The following MISP variants were observed in gnomAD, a reference collection of about 807,000 sequenced individuals.
MISP encodes the protein mitotic interactor and substrate of PLK1.
In MISP, 51 loss-of-function variants were observed where a neutral mutation model predicts 49.3. That is an observed-to-expected ratio of 1.03 (90% CI 0.83 to 1.31). The LOEUF is 1.31. MISP is among the 50% of genes most tolerant of loss of function. The probability of loss-of-function intolerance (pLI) is 0.00; values close to 1 mark genes in which losing one functional copy is unlikely to be tolerated. For missense variants in MISP, 1,084 were observed against 935.1 expected (o/e 1.16, Z -2.08); for synonymous variants, 444 against 392.6 (o/e 1.13, Z -1.55).
At chr19:755,060 A>G (rs1245274254) in intron 1 of MISP, among the ~76,000 whole-genome samples, 4 of 146,186 alleles carry the variant, frequency 2.7e-5, no homozygotes, top group African/African-American at 1.0e-4. Context: ...GGTTTGGGGT[A>G]GAAGAGGAGG....
At position 763,596 on chromosome 19, in the gene MISP, G is replaced by A. The variant is rs1464207739; in HGVS notation, c.*6G>A. On this transcript the variant is annotated 3_prime_UTR_variant, in exon 5 of 5. Coordinates refer to ENST00000215582, the MANE Select transcript of MISP (RefSeq NM_173481.4). Reference sequence around the variant, plus strand: ...CCAGTGAGGAGGATGACTGAGCCTCGGGATGGGGCGCCCACCCCCTGCCCT... The same window carrying A: ...CCAGTGAGGAGGATGACTGAGCCTCAGGATGGGGCGCCCACCCCCTGCCCT... 2 of 1,608,656 alleles carry A rather than the reference G, an allele frequency of 1.2e-6. No individual in the cohort carries two copies. Among genetic ancestry groups the A allele is most frequent in the South Asian group, 2.2e-5 (2 of 90,874 alleles).
Position 757,766 on chromosome 19 carries a change from G to A in MISP, c.820G>A (p.Asp274Asn). ...VPTWASVQVV[D>N]DPGSLASVES... The stretch of plus-strand genomic sequence containing the variant: ...CACCTGGGCCAGTGTCCAAGTTGTG[G>A]ATGACCCTGGCTCCTTGGCCTCAGT... Residue 274 changes from aspartate to asparagine, a missense_variant, in exon 2 of 5, where the codon GAT (aspartate) becomes AAT (asparagine). By Grantham distance (23) the Asp-to-Asn change is conservative. Coordinates refer to ENST00000215582, the MANE Select transcript of MISP (RefSeq NM_173481.4). The A allele has an allele frequency of 1.2e-6, 2 of 1,613,680 alleles. No individual in the cohort carries two copies. The highest frequency in any genetic ancestry group is 8.5e-7 in the Non-Finnish European group (1 of 1,179,854).
At position 761,045 on chromosome 19, in the gene MISP, T is replaced by C. The variant is rs1261514162; in HGVS notation, c.1912-580T>C. Among the ~76,000 whole-genome samples, 3 of 150,866 alleles carry C rather than the reference T, an allele frequency of 2.0e-5. No individual in the cohort carries two copies. In the East Asian group the frequency reaches 5.9e-4, roughly 30 times the overall value. ...GAAATATTCCTCACGTCACTTTTAATGACACGAGGAATATTTAGTGCCATG... is the reference window on the plus strand; with the variant it reads ...GAAATATTCCTCACGTCACTTTTAACGACACGAGGAATATTTAGTGCCATG... On this transcript the variant is annotated intron_variant, in intron 3 of 4. Transcript: ENST00000215582.
rs753231703 is a variant in MISP at position 757,663 on chromosome 19, G to A, written c.717G>A (p.Leu239=). The A allele has an allele frequency of 1.2e-6, 2 of 1,613,490 alleles. No individual in the cohort carries two copies. Among genetic ancestry groups the A allele is most frequent in the Admixed American group, 1.7e-5 (1 of 59,960 alleles). ...QAPKAFNKPH[L]ANGHVVPIKP... Reference sequence around the variant, plus strand: ...CCAAGGCCTTCAACAAGCCCCACCTGGCCAACGGGCACGTGGTTCCCATCA... The same window carrying A: ...CCAAGGCCTTCAACAAGCCCCACCTAGCCAACGGGCACGTGGTTCCCATCA... The change falls in exon 2 of 5, where the codon CTG becomes CTA. Residue 239 remains leucine (L), a synonymous_variant. Coordinates refer to ENST00000215582, the MANE Select transcript of MISP (RefSeq NM_173481.4).
intron 4 of MISP, among the ~76,000 whole-genome samples, chr19:762,851 T>G (rs2033695164): frequency 2.0e-5 from 3 of 151,928 alleles, no homozygotes; most frequent in Admixed American, 1.3e-4. Flanking sequence ...TTATTTATTT[T>G]TGTACAGGCA....
chr19:758,340 T>G lies in MISP; in HGVS notation c.1394T>G (p.Met465Arg). The change falls in exon 2 of 5, where the codon ATG becomes AGG. Residue 465 changes from methionine (M) to arginine (R), a missense_variant. By Grantham distance (91) the Met-to-Arg change is moderately conservative (BLOSUM62 -1). Transcript: ENST00000215582. ...AKAATSPKAT[M>R]SPRHLSESSG... ...GCTGCGACTTCACCAAAGGCCACGA[T>G]GTCCCCGAGGCATCTCTCAGAATCC... 2.5e-6 allele frequency: 4 copies of G among 1,614,152 alleles called. No individual in the cohort carries two copies. Among genetic ancestry groups the G allele is most frequent in the Non-Finnish European group, 2.5e-6 (3 of 1,180,028 alleles).
chr19:752,713 G>A (rs1271281297), intron 1 of MISP, among the ~76,000 whole-genome samples: 7 of 138,406 alleles, frequency 5.1e-5, no homozygotes, highest in Non-Finnish European at 9.4e-5. Flanking sequence ...GGGAGACCCG[G>A]CACCTGCTCG....
At chr19:763,138 G>A (rs1166793079) in intron 4 of MISP, among the ~76,000 whole-genome samples, 3 of 152,158 alleles carry the variant, frequency 2.0e-5, no homozygotes, top group South Asian at 2.1e-4. Context: ...TTAGCCAGGC[G>A]CCGTAGCGGG....
At chr19:754,818 G>A (rs1241007882) in intron 1 of MISP, among the ~76,000 whole-genome samples, 3 of 152,212 alleles carry the variant, frequency 2.0e-5, no homozygotes, top group African/African-American at 7.2e-5. Flanking sequence ...AGGTAGAGGA[G>A]GAGGGCGAGG....
rs1243913600 is a variant in MISP at position 761,639 on chromosome 19, C to A, written c.1926C>A (p.Asn642Lys). ...CTTTCCTGTAGTACGCTGGCATCAA[C>A]CCCTCGGACGGTATCAACTCAGAGG... Reference protein sequence around the residue: ...RKKEQWYAGINPSDGINSEVL... With the variant: ...RKKEQWYAGIKPSDGINSEVL... Residue 642 changes from asparagine (N) to lysine (K), a missense_variant, in exon 4 of 5, where the codon AAC (asparagine) becomes AAA (lysine). By Grantham distance (94) the Asn-to-Lys change is moderately conservative (BLOSUM62 0). Coordinates refer to ENST00000215582, the MANE Select transcript of MISP (RefSeq NM_173481.4). 1 of 1,614,118 alleles carries A rather than the reference C, an allele frequency of 6.2e-7. No homozygotes were observed. Among genetic ancestry groups the A allele is most frequent in the Non-Finnish European group, 8.5e-7 (1 of 1,180,020 alleles).
chr19:752,619 C>T (rs2033477127), intron 1 of MISP, among the ~76,000 whole-genome samples: 1 of 152,156 alleles, frequency 6.6e-6, no homozygotes, highest in South Asian at 2.1e-4. Context: ...CCCCAGGCCC[C>T]ACCCGCTGGC....
chr19:760,319 A>G (rs1351536128), intron 3 of MISP: 2 of 277,556 alleles, frequency 7.2e-6, no homozygotes, highest in South Asian at 6.5e-5. Flanking sequence ...CTCTGCTTGG[A>G]GGAGGAGGAC....
At chr19:748,573 C>T (rs1354770637), upstream of MISP, among the ~76,000 whole-genome samples, 7 of 152,092 alleles carry the variant, frequency 4.6e-5, no homozygotes, top group African/African-American at 1.4e-4. Flanking sequence ...TCCCGGGGGG[C>T]CCTCGGGTTC....
Position 758,080 on chromosome 19 carries a change from C to A in MISP, c.1134C>A (p.Pro378=), listed in dbSNP as rs368206175. 2 of 1,579,186 alleles carry A rather than the reference C, an allele frequency of 1.3e-6. No homozygotes were observed. Among genetic ancestry groups the A allele is most frequent in the East Asian group, 2.3e-5 (1 of 44,238 alleles). The change falls in exon 2 of 5, where the codon CCC becomes CCA. Residue 378 remains proline, a synonymous_variant. Coordinates refer to ENST00000215582, the MANE Select transcript of MISP (RefSeq NM_173481.4). ...EGLHVGRAST[P]DWVSEGPQPG... ...TGCACGTGGGCCGGGCGTCCACACC[C>A]GACTGGGTCTCGGAGGGTCCCCAGC...
chr19:761,741 G>A, intron 4 of MISP, 78 bp downstream of exon 4: 1 of 1,507,974 alleles, frequency 6.6e-7, no homozygotes, highest in African/African-American at 1.4e-5. Flanking sequence ...GCCAACGGAA[G>A]CCCCTTCCTC....
upstream of MISP, among the ~76,000 whole-genome samples, chr19:750,478 G>T (rs972822971): frequency 6.6e-6 from 1 of 152,170 alleles, no homozygotes; most frequent in East Asian, 1.9e-4. Context: ...GGGATTACAG[G>T]TGTGAGCCAC....
chr19:756,877 T>C lies in MISP; in HGVS notation c.-57-13T>C. On this transcript the variant is annotated splice_polypyrimidine_tract_variant and intron_variant, in intron 1 of 4. Coordinates refer to ENST00000215582, the MANE Select transcript of MISP (RefSeq NM_173481.4). ...TCTGACTTGATGGCCCTCATTTCCT[T>C]CTCCTCCCTCAGTAAGCCCAGAGGT... The C allele has an allele frequency of 1.5e-6, 2 of 1,325,318 alleles. No individual in the cohort carries two copies. Among genetic ancestry groups the C allele is most frequent in the Non-Finnish European group, 2.0e-6 (2 of 983,752 alleles). 82.1% of individuals were successfully genotyped at this position (1,325,318 alleles called of 1,614,324 possible). A position where few individuals can be genotyped will look rare whatever the true frequency, so the allele number is the denominator to read the frequency against.
chr19:757,713 G>A lies in MISP; in HGVS notation c.767G>A (p.Arg256Lys). The change falls in exon 2 of 5, where the codon AGG (arginine) becomes AAG (lysine). Residue 256 changes from arginine to lysine, a missense_variant. Physicochemically the swap from Arg to Lys is conservative, Grantham distance 26 (BLOSUM62 2). Coordinates refer to ENST00000215582, the MANE Select transcript of MISP (RefSeq NM_173481.4). ...AAGCCCCAGGTGAAGGGGGTGGTCA[G>A]GGAAGAGAACAAGGTGCGTGCTGTG... ...PIKPQVKGVV[R>K]EENKVRAVPT... 6.2e-7 allele frequency: 1 copy of A among 1,613,918 alleles called. No individual in the cohort carries two copies. Among genetic ancestry groups the A allele is most frequent in the Non-Finnish European group, 8.5e-7 (1 of 1,180,000 alleles).
chr19:758,303 G>A lies in MISP; in HGVS notation c.1357G>A (p.Ala453Thr). ...AFGKPSSLSTAEAKAATSPKA... is the reference protein window; with the variant it reads ...AFGKPSSLSTTEAKAATSPKA... The stretch of plus-strand genomic sequence containing the variant: ...CGGCAAGCCCAGCAGTCTCTCCACA[G>A]CGGAGGCCAAGGCTGCGACTTCACC... Residue 453 changes from alanine to threonine, a missense_variant, in exon 2 of 5, where the codon GCG becomes ACG. Physicochemically the swap from Ala to Thr is moderately conservative, Grantham distance 58 (BLOSUM62 0). Coordinates refer to ENST00000215582, the MANE Select transcript of MISP (RefSeq NM_173481.4). The A allele has an allele frequency of 1.2e-6, 2 of 1,614,066 alleles. No individual in the cohort carries two copies. Among genetic ancestry groups the A allele is most frequent in the Non-Finnish European group, 1.7e-6 (2 of 1,180,042 alleles).
Sources: gnomAD v4.1 joint callset for allele counts (sites outside exome capture counted in the v4.1 genomes callset) on GRCh38, gnomAD v4.1.1 for gene constraint, MANE v1.5 for transcripts, NCBI Gene and HGNC (gene_info 2026-07-23, HGNC 2026-07-21) for gene names.